DGKI: variants seen among roughly 807,000 people sequenced by gnomAD.
DGKI encodes the protein diacylglycerol kinase iota.
DGKI carries 55 observed loss-of-function variants against 147.5 expected under a neutral mutation model. That is an observed-to-expected ratio of 0.37 (90% confidence interval 0.30 to 0.47). The LOEUF (loss-of-function observed/expected upper bound fraction) is 0.47. Among genes scored for constraint, DGKI ranks in the 20% least tolerant of loss-of-function variants. DGKI has a pLI of 1.00. For missense variants in DGKI, 1,007 were observed against 1,323.8 expected (o/e 0.76, Z 3.71); for synonymous variants, 469 against 477.1 (o/e 0.98, Z 0.22).
intron 12 of DGKI, 122 bp from the exon 13 acceptor site, chr7:137,587,332 G>T: frequency 2.9e-6 from 2 of 691,652 alleles, no homozygotes; most frequent in Admixed American, 3.7e-5. Context: ...TTTAAAACAT[G>T]TATGTTTTCA....
At chr7:137,546,736 TTATTTAAAG>T (rs1388476796) in intron 20 of DGKI, among the ~76,000 whole-genome samples, 40 of 152,234 alleles carry the variant, frequency 2.6e-4, no homozygotes, top group Admixed American at 2.2e-3. Flanking sequence ...CTCCACTCTC[TTATTTAAAG>T]AGTTTCATTA....
chr7:137,639,667 C>A (rs557675876), intron 6 of DGKI, among the ~76,000 whole-genome samples: 1 of 152,144 alleles, frequency 6.6e-6, no homozygotes, highest in East Asian at 1.9e-4. Flanking sequence ...GCGGGAACTA[C>A]TGAAGAAAGA....
intron 12 of DGKI, among the ~76,000 whole-genome samples, chr7:137,596,396 G>T (rs1346942700): frequency 6.6e-6 from 1 of 152,152 alleles, no homozygotes; most frequent in East Asian, 1.9e-4. Flanking sequence ...GGGGATGCTT[G>T]AGTTAGGAAG....
rs1811325361 is a variant in DGKI at position 137,390,668 on chromosome 7, G to A, written c.*552C>T. On this transcript the variant is annotated 3_prime_UTR_variant, in exon 33 of 33. Transcript: ENST00000614521. ...GACATGCAGAGAGAGTCACTAAATA[G>A]TCTTGATATATTTAGTCTTAGAAAT... is the stretch of plus-strand genomic sequence containing the variant. The A allele has an allele frequency of 6.5e-6, 1 of 154,858 alleles. No individual in the cohort carries two copies. The highest frequency in any genetic ancestry group is 1.4e-5 in the Non-Finnish European group (1 of 69,580). 9.6% of individuals were successfully genotyped at this position (154,858 alleles called of 1,614,324 possible).
intron 32 of DGKI, among the ~76,000 whole-genome samples, chr7:137,392,849 C>CA (rs34862986): frequency 0.49 from 74,277 of 151,864 alleles, 18,276 homozygotes; most frequent in African/African-American, 0.52. Flanking sequence ...TGCTTCTCTC[C>CA]AAAAAATTCC....
chr7:137,717,446 GAGTA>G (rs2116596567), intron 1 of DGKI, among the ~76,000 whole-genome samples: 1 of 152,266 alleles, frequency 6.6e-6, no homozygotes, highest in South Asian at 2.1e-4. Context: ...TAAAATCTAA[GAGTA>G]AGTAAGCACA....
rs763572711 is a variant in DGKI, at chr7:137,737,204, CAAAA to C, written c.402-47206_402-47203del. 5.7e-3 allele frequency among the ~76,000 whole-genome samples: 477 copies of C among 83,504 alleles called. 1 individual carries two copies. Among genetic ancestry groups the C allele is most frequent in the African/African-American group, 0.018 (447 of 25,376 alleles). 54.8% of individuals were successfully genotyped at this position (83,504 alleles called of 152,430 possible). A position where few individuals can be genotyped will look rare whatever the true frequency, so the allele number is the denominator to read the frequency against. ...AGCATTCAAATATGCCTCATTTCAC[CAAAA>C]AAAAAAAAAAAAAAAAAATACATAC... On this transcript the variant is annotated intron_variant, in intron 1 of 32. Coordinates refer to ENST00000614521, the MANE Select transcript of DGKI (RefSeq NM_001321708.2).
chr7:137,658,177 GA>G (rs1194209673), intron 3 of DGKI, among the ~76,000 whole-genome samples: 1 of 152,122 alleles, frequency 6.6e-6, no homozygotes, highest in African/African-American at 2.4e-5. Context: ...AAGAAGAAGA[GA>G]AAAAGAAGGA....
chr7:137,660,635 T>C (rs1481813844), intron 3 of DGKI, among the ~76,000 whole-genome samples: 2 of 152,214 alleles, frequency 1.3e-5, no homozygotes, highest in Admixed American at 1.3e-4. Context: ...TATTGAATCC[T>C]ATCCCACCCA....
At chr7:137,631,711 G>C (rs1307292522) in intron 6 of DGKI, among the ~76,000 whole-genome samples, 5 of 151,576 alleles carry the variant, frequency 3.3e-5, no homozygotes, top group African/African-American at 7.3e-5. Flanking sequence ...ATAACACCAG[G>C]GTGCCTCTTG....
At chr7:137,477,545 T>A (rs1290586313) in intron 23 of DGKI, among the ~76,000 whole-genome samples, 1 of 152,162 alleles carries the variant, frequency 6.6e-6, no homozygotes, top group Non-Finnish European at 1.5e-5. Flanking sequence ...TGAATTAGAG[T>A]TTCACCTATT....
intron 13 of DGKI, among the ~76,000 whole-genome samples, chr7:137,586,208 C>T (rs570220300): frequency 3.9e-5 from 6 of 152,072 alleles, no homozygotes; most frequent in African/African-American, 1.4e-4. Flanking sequence ...TGGTGGATCA[C>T]GAGGTCAGGA....
At chr7:137,722,236 A>G (rs1296116528) in intron 1 of DGKI, 22 of 1,594,570 alleles carry the variant, frequency 1.4e-5, no homozygotes, top group Non-Finnish European at 1.8e-5. Context: ...TGAAAAGAAA[A>G]AGAAGGAGAA....
In DGKI at chr7:137,381,900, C is replaced by T. The variant is rs1009073445; in HGVS notation, c.*9320G>A. On this transcript the variant is annotated 3_prime_UTR_variant, in exon 33 of 33. Coordinates refer to ENST00000614521, the MANE Select transcript of DGKI (RefSeq NM_001321708.2). ...CTTTCCCAACTTATAATCGGTAAGTCAGGGAGAGCATCAAAGTTCTACTTG... is the reference window on the plus strand; with the variant it reads ...CTTTCCCAACTTATAATCGGTAAGTTAGGGAGAGCATCAAAGTTCTACTTG... 2.6e-5 allele frequency: 4 copies of T among 152,034 alleles called. No homozygotes were observed. The highest frequency in any genetic ancestry group is 2.6e-4 in the Admixed American group (4 of 15,236). The allele number at this position is 152,034 out of a possible 1,614,324, so 9.4% of individuals were successfully genotyped here.
intron 23 of DGKI, among the ~76,000 whole-genome samples, chr7:137,470,187 A>T (rs935522890): frequency 2.0e-5 from 3 of 152,198 alleles, no homozygotes; most frequent in African/African-American, 7.2e-5. Flanking sequence ...AAGGAAGAAA[A>T]GTAGTGCCAG....
chr7:137,704,700 T>A (rs1707097064), intron 1 of DGKI, among the ~76,000 whole-genome samples: 1 of 152,134 alleles, frequency 6.6e-6, no homozygotes, highest in Non-Finnish European at 1.5e-5. Context: ...CTCAAAGACC[T>A]TCACATCTAG....
At chr7:137,678,699 T>A (rs1419405697) in intron 2 of DGKI, 47 bp from the exon 3 acceptor site, 1 of 1,510,294 alleles carries the variant, frequency 6.6e-7, no homozygotes, top group East Asian at 2.3e-5. Flanking sequence ...TTTCCAGGGA[T>A]AAGGAAAACT....
chr7:137,444,197 T>A, intron 27 of DGKI, 95 bp from the exon 28 acceptor site: 1 of 776,538 alleles, frequency 1.3e-6, no homozygotes. Flanking sequence ...CAAATTGAAT[T>A]AAATGGAAAG....
At chr7:137,752,364 T>C (rs1473307353) in intron 1 of DGKI, among the ~76,000 whole-genome samples, 5 of 152,198 alleles carry the variant, frequency 3.3e-5, no homozygotes, top group Non-Finnish European at 7.3e-5. Flanking sequence ...GAAGGCCTCA[T>C]ATTTATAAAC....
Sources: gnomAD v4.1 joint callset for allele counts (sites outside exome capture counted in the v4.1 genomes callset) on GRCh38, gnomAD v4.1.1 for gene constraint, MANE v1.5 for transcripts, NCBI Gene and HGNC (gene_info 2026-07-23, HGNC 2026-07-21) for gene names.